DNAH12: variants seen among roughly 807,000 people sequenced by gnomAD.
DNAH12 encodes the protein axonemal beta dynein heavy chain 12.
DNAH12 carries 285 observed loss-of-function variants against 371.5 expected under a neutral mutation model. The ratio of observed to expected loss-of-function variants is 0.77; its 90% CI spans 0.70 to 0.85. The LOEUF is 0.85. Among genes scored for constraint, DNAH12 ranks in the 40% least tolerant of loss-of-function variants. The pLI is 0.00. For synonymous variants in DNAH12, 1,200 were observed against 1,213.0 expected (o/e 0.99, Z 0.22); for missense variants, 3,611 against 3,689.4 (o/e 0.98, Z 0.55).
intron 62 of DNAH12, among the ~76,000 whole-genome samples, chr3:57,333,299 G>A (rs113224047): frequency 9.9e-5 from 14 of 141,314 alleles, no homozygotes; most frequent in African/African-American, 3.2e-4. Context: ...ATGAGCCACC[G>A]TGCCCGGATA....
chr3:57,323,095 G>T lies in DNAH12; in HGVS notation c.10295C>A (p.Pro3432His). The T allele has an allele frequency of 7.1e-6, 11 of 1,552,362 alleles. No individual in the cohort carries two copies. Among genetic ancestry groups the T allele is most frequent in the Non-Finnish European group, 9.6e-6 (11 of 1,147,146 alleles). The change falls in exon 64 of 74, where the codon CCC (proline) becomes CAC (histidine). Residue 3432 changes from proline (P) to histidine (H), a missense_variant. Pro to His is a moderately conservative substitution (Grantham distance 77). Around this residue, in one of 3 missense-constraint regions of DNAH12, gnomAD observed 2,266 missense variants for 2,236.9 expected, o/e 1.01. Transcript: ENST00000495027. ...QNCHLAVSWM[P>H]MLEKICEDFT... is the part of the protein sequence containing the mutation. ...ATCTTCACATATTTTTTCCAACATG[G>T]GCATCCAGGACACTGCAAGATGGCA...
At chr3:57,427,415 G>A (rs569879201) in intron 34 of DNAH12, among the ~76,000 whole-genome samples, 8 of 152,004 alleles carry the variant, frequency 5.3e-5, no homozygotes, top group Admixed American at 2.0e-4. Context: ...GGCCGGATGC[G>A]GTTGCTCATG....
intron 35 of DNAH12, among the ~76,000 whole-genome samples, chr3:57,423,454 T>C (rs1003895272): frequency 3.3e-5 from 5 of 152,090 alleles, no homozygotes; most frequent in Admixed American, 2.6e-4. Flanking sequence ...AGCGGAAGGA[T>C]ATAAAGGCGA....
In DNAH12 at chr3:57,483,411, T is replaced by G; in HGVS notation, c.1615A>C (p.Thr539Pro). The change falls in exon 13 of 74, where the codon ACT (threonine) becomes CCT (proline). Residue 539 changes from threonine to proline, a missense_variant. Around this residue, in one of 3 missense-constraint regions of DNAH12, gnomAD observed 1,314 missense variants for 1,398.7 expected, o/e 0.94. Transcript: ENST00000495027. ...DLISYVEKAR[T>P]VGIEELILRI... ...AAAATCAACTCTTCGATTCCTACAGTCCGGGCTTTTTCTACATAAGATATC... is the reference window on the plus strand; with the variant it reads ...AAAATCAACTCTTCGATTCCTACAGGCCGGGCTTTTTCTACATAAGATATC... The G allele has an allele frequency of 1.3e-6, 2 of 1,551,042 alleles. No individual in the cohort carries two copies. The highest frequency in any genetic ancestry group is 2.0e-5 in the Admixed American group (1 of 50,756).
At chr3:57,456,914 G>C (rs1380793568) in intron 22 of DNAH12, among the ~76,000 whole-genome samples, 1 of 152,084 alleles carries the variant, frequency 6.6e-6, no homozygotes, top group Non-Finnish European at 1.5e-5. Flanking sequence ...ATCAAGACCT[G>C]TTGAAATTAA....
the DNAH12 span, among the ~76,000 whole-genome samples, chr3:57,551,488 G>A: frequency 7.9e-5 from 12 of 151,794 alleles, no homozygotes; most frequent in Admixed American, 5.9e-4. Flanking sequence ...AGCCAGGATG[G>A]TCTCAATCTC....
intron 62 of DNAH12, among the ~76,000 whole-genome samples, chr3:57,333,726 C>T (rs2062160858): frequency 6.6e-6 from 1 of 152,168 alleles, no homozygotes; most frequent in African/African-American, 2.4e-5. Context: ...TGTTTGTTGA[C>T]CCCTGAACTA....
intron 39 of DNAH12, among the ~76,000 whole-genome samples, chr3:57,409,378 G>A (rs549972844): frequency 3.3e-5 from 5 of 151,978 alleles, no homozygotes; most frequent in East Asian, 1.9e-4. Flanking sequence ...AACAATAGAA[G>A]ACCAGCTAAG....
intron 2 of DNAH12, among the ~76,000 whole-genome samples, chr3:57,541,522 C>T (rs542466198): frequency 6.6e-6 from 1 of 151,750 alleles, no homozygotes; most frequent in East Asian, 1.9e-4. Flanking sequence ...TGCCCCACCA[C>T]ACCTGGCTAA....
intron 60 of DNAH12, among the ~76,000 whole-genome samples, chr3:57,351,267 AAAACAAAC>A (rs565309167): frequency 5.3e-5 from 8 of 151,874 alleles, no homozygotes; most frequent in East Asian, 3.9e-4. Flanking sequence ...AGACTGTCTC[AAAACAAAC>A]AAACAAACAA....
chr3:57,428,847 A>G (rs748861362), intron 33 of DNAH12, 26 bp from the exon 34 acceptor site: 1 of 1,501,328 alleles, frequency 6.7e-7, no homozygotes, highest in South Asian at 1.3e-5. Context: ...AACTTTTTGC[A>G]CTGTTGTTTT....
At chr3:57,466,080 AC>A (rs2066193666) in intron 17 of DNAH12, among the ~76,000 whole-genome samples, 1 of 152,064 alleles carries the variant, frequency 6.6e-6, no homozygotes, top group Admixed American at 6.6e-5. Context: ...ACACACACAC[AC>A]ACACACACAC....
At chr3:57,393,209 T>A (rs1244133154) in intron 44 of DNAH12, among the ~76,000 whole-genome samples, 1 of 152,150 alleles carries the variant, frequency 6.6e-6, no homozygotes, top group Non-Finnish European at 1.5e-5. Context: ...AAAGTGTGAG[T>A]CCTTTTCACT....
intron 2 of DNAH12, among the ~76,000 whole-genome samples, chr3:57,541,444 C>G (rs550558378): frequency 6.6e-6 from 1 of 152,174 alleles, no homozygotes; most frequent in East Asian, 1.9e-4. Context: ...TTGCACACTA[C>G]AGCTTTGACC....
chr3:57,407,071 G>T (rs1240785209), intron 40 of DNAH12, among the ~76,000 whole-genome samples: 1 of 151,886 alleles, frequency 6.6e-6, no homozygotes, highest in African/African-American at 2.4e-5. Flanking sequence ...GCTAATTTTT[G>T]TATTTTTAGT....
intron 25 of DNAH12, among the ~76,000 whole-genome samples, chr3:57,450,499 G>C (rs2065727717): frequency 6.6e-6 from 1 of 152,206 alleles, no homozygotes; most frequent in African/African-American, 2.4e-5. Context: ...GGTAAGCCGA[G>C]ATCGCACCAT....
At chr3:57,499,643 A>ATATAT (rs1307559756) in intron 11 of DNAH12, among the ~76,000 whole-genome samples, 8 of 24,592 alleles carry the variant, frequency 3.3e-4, no homozygotes, top group Non-Finnish European at 7.5e-4. Flanking sequence ...AAAAAAAAAA[A>ATATAT]AAAAATATAT....
chr3:57,499,647 A>AAAAAAAAAAAAAAATATAT, intron 11 of DNAH12, among the ~76,000 whole-genome samples: 1 of 17,946 alleles, frequency 5.6e-5, no homozygotes, highest in Non-Finnish European at 1.2e-4. Flanking sequence ...AAAAAAAAAA[A>AAAAAAAAAAAAAAATATAT]ATATATATAT....
Position 57,446,208 on chromosome 3 carries a change from C to T in DNAH12, c.4002G>A (p.Glu1334=). ...WACFDEFNRI[E]LEVLSVVAQQ... ...GAGCTACCACTGACAACACTTCCAACTCAATTCGATTGAATTCATCAAAGC... is the reference window on the plus strand; with the variant it reads ...GAGCTACCACTGACAACACTTCCAATTCAATTCGATTGAATTCATCAAAGC... The change falls in exon 27 of 74, where the codon GAG becomes GAA. Residue 1334 remains glutamate (E), a synonymous_variant. Coordinates refer to ENST00000495027, the MANE Select transcript of DNAH12 (RefSeq NM_001366028.2). The T allele has an allele frequency of 6.4e-7, 1 of 1,551,870 alleles. No homozygotes were observed. Among genetic ancestry groups the T allele is most frequent in the Non-Finnish European group, 8.7e-7 (1 of 1,147,042 alleles).
Sources: gnomAD v4.1 joint callset for allele counts (sites outside exome capture counted in the v4.1 genomes callset) on GRCh38, gnomAD v4.1.1 for gene constraint, gnomAD v4.1.1 regional missense constraint, MANE v1.5 for transcripts, NCBI Gene and HGNC (gene_info 2026-07-23, HGNC 2026-07-21) for gene names.